The following KIAA0408 variants were observed in gnomAD, a reference collection of about 807,000 sequenced individuals.
KIAA0408 encodes the protein KIAA0408.
Under a neutral mutation model 60.9 loss-of-function variants are expected in KIAA0408, and 51 were observed. The ratio of observed to expected loss-of-function variants is 0.84; its 90% CI spans 0.67 to 1.06. The LOEUF is 1.06. KIAA0408 is among the 50% of genes least tolerant of loss of function. The pLI is 0.00. For missense variants in KIAA0408, 787 were observed against 833.9 expected (o/e 0.94, Z 0.69); for synonymous variants, 304 against 282.4 (o/e 1.08, Z -0.77).
At chr6:127,453,566 A>G (rs1321247137) in intron 2 of KIAA0408, among the ~76,000 whole-genome samples, 1 of 152,078 alleles carries the variant, frequency 6.6e-6, no homozygotes, top group African/African-American at 2.4e-5. Context: ...TGCAAAATAC[A>G]TACCTCACTT....
In KIAA0408 at chr6:127,459,273, C is replaced by T. The variant is rs1773447777; in HGVS notation, c.-219G>A. 1 of 152,254 alleles carries T rather than the reference C, an allele frequency of 6.6e-6. No homozygotes were observed. The highest frequency in any genetic ancestry group is 2.1e-4 in the South Asian group (1 of 4,834). 9.4% of individuals were successfully genotyped at this position (152,254 alleles called of 1,614,324 possible). On this transcript the variant is annotated 5_prime_UTR_variant, in exon 1 of 6. Transcript: ENST00000483725. The stretch of plus-strand genomic sequence containing the variant: ...GCTGTCTTAAAGAGAAAAGTCTCAG[C>T]TCGGTGAATCTCGATTCTTTACAAG...
At position 127,446,514 on chromosome 6, in the gene KIAA0408, CTT is replaced by C. The variant is rs1773197482; in HGVS notation, c.1803_1804del (p.Gln603AlafsTer52). The C allele has an allele frequency of 1.2e-6, 2 of 1,614,042 alleles. No homozygotes were observed. Among genetic ancestry groups the C allele is most frequent in the African/African-American group, 2.7e-5 (2 of 74,928 alleles). ...CATTTGGAGCATTTCTAAATGCTGA[CTT>C]AATGTGGCACCACCACTGACATCAG... On this transcript the variant is annotated frameshift_variant, in exon 5 of 6. Coordinates refer to ENST00000483725, the MANE Select transcript of KIAA0408 (RefSeq NM_014702.5). LOFTEE classifies it high-confidence loss of function.
chr6:127,447,426 C>T lies in KIAA0408; in HGVS notation c.893G>A (p.Trp298Ter). The change falls in exon 5 of 6, where the codon TGG becomes TAG. Residue 298 changes from tryptophan (W) to a stop codon, truncating the protein, a stop_gained. Transcript: ENST00000483725. LOFTEE classifies it high-confidence loss of function. ...TTTACTTCGACCCTCATGGGGCACC[C>T]AGCTGTTGTGGTCTAACCTTTCCTT... ...RWKERLDHNS[W>*]VPHEGRSKRN... The T allele has an allele frequency of 6.2e-7, 1 of 1,613,878 alleles. No individual in the cohort carries two copies. Among genetic ancestry groups the T allele is most frequent in the South Asian group, 1.1e-5 (1 of 91,024 alleles).
intron 1 of KIAA0408, among the ~76,000 whole-genome samples, chr6:127,457,255 T>C (rs1380487660): frequency 6.6e-6 from 1 of 152,166 alleles, no homozygotes; most frequent in Non-Finnish European, 1.5e-5. Flanking sequence ...GGCAACTTTG[T>C]AGAGATAGAA....
At chr6:127,453,786 C>A in intron 2 of KIAA0408, 61 bp downstream of exon 2, 1 of 1,555,606 alleles carries the variant, frequency 6.4e-7, no homozygotes, top group Non-Finnish European at 8.7e-7. Context: ...ACAAAACAGC[C>A]CACAGAATTT....
intron 1 of KIAA0408, among the ~76,000 whole-genome samples, chr6:127,457,489 G>T (rs190368794): frequency 6.6e-6 from 1 of 152,186 alleles, no homozygotes; most frequent in Admixed American, 6.5e-5. Flanking sequence ...CTTCCTTCTA[G>T]AATTCCATTT....
chr6:127,451,002 A>C (rs1225936189), intron 2 of KIAA0408: 1 of 167,968 alleles, frequency 6.0e-6, no homozygotes, highest in African/African-American at 2.4e-5. Context: ...TAGAACTGCA[A>C]GGCTTTGATC....
intron 4 of KIAA0408, among the ~76,000 whole-genome samples, chr6:127,449,567 G>A (rs558744180): frequency 1.3e-5 from 2 of 152,094 alleles, no homozygotes; most frequent in African/African-American, 4.8e-5. Context: ...TAGGAGAATC[G>A]CTTGAACCTG....
In KIAA0408 at chr6:127,446,939, C is replaced by T; in HGVS notation, c.1380G>A (p.Gln460=). 2 of 1,614,082 alleles carry T rather than the reference C, an allele frequency of 1.2e-6. No homozygotes were observed. Among genetic ancestry groups the T allele is most frequent in the Non-Finnish European group, 1.7e-6 (2 of 1,180,000 alleles). The part of the protein sequence containing the change: ...FRTDRNCQAI[Q]QNHSCSKSSE... Reference sequence around the variant, plus strand: ...ATGATTTTGAGCAGCTGTGATTTTGCTGTATTGCCTGACAATTTCTATCTG... The same window carrying T: ...ATGATTTTGAGCAGCTGTGATTTTGTTGTATTGCCTGACAATTTCTATCTG... Residue 460 remains glutamine, a synonymous_variant, in exon 5 of 6, where the codon CAG becomes CAA. Coordinates refer to ENST00000483725, the MANE Select transcript of KIAA0408 (RefSeq NM_014702.5).
Position 127,453,869 on chromosome 6 carries a change from A to G in KIAA0408, c.113T>C (p.Ile38Thr), listed in dbSNP as rs759051260. 1.9e-6 allele frequency: 3 copies of G among 1,612,498 alleles called. No individual in the cohort carries two copies. The highest frequency in any genetic ancestry group is 2.5e-6 in the Non-Finnish European group (3 of 1,179,072). The change falls in exon 2 of 6, where the codon ATT (isoleucine) becomes ACT (threonine). Residue 38 changes from isoleucine to threonine, a missense_variant. Ile to Thr is a moderately conservative substitution (Grantham distance 89). This residue lies in a region of KIAA0408 where 640 missense variants were observed against 681.3 expected (regional missense o/e 0.94). Coordinates refer to ENST00000483725, the MANE Select transcript of KIAA0408 (RefSeq NM_014702.5). The part of the protein sequence containing the change: ...ERKEWESQWK[I>T]MQKKIEELCR... ...TACCTCTTCTATTTTCTTCTGCATA[A>G]TCTTCCATTGACTTTCCCATTCCTT...
rs1424578187 is a variant in KIAA0408, at chr6:127,438,499, C to T, written c.*5610G>A. ...TCAAAAATAAACTGGCAGCAGAGCACAATTGCAGTCACATTGCTTAACAAC... is the reference window on the plus strand; with the variant it reads ...TCAAAAATAAACTGGCAGCAGAGCATAATTGCAGTCACATTGCTTAACAAC... On this transcript the variant is annotated 3_prime_UTR_variant, in exon 6 of 6. Transcript: ENST00000483725. 6.6e-6 allele frequency: 1 copy of T among 152,086 alleles called. No individual in the cohort carries two copies. The highest frequency in any genetic ancestry group is 2.4e-5 in the African/African-American group (1 of 41,412). 9.4% of individuals were successfully genotyped at this position (152,086 alleles called of 1,614,324 possible). A position where few individuals can be genotyped will look rare whatever the true frequency, so the allele number is the denominator to read the frequency against.
At position 127,439,285 on chromosome 6, in the gene KIAA0408, G is replaced by A. The variant is rs1393687028; in HGVS notation, c.*4824C>T. ...GGAGTATATGTAACTTATGAAGTGT[G>A]AAACTATTCTGATTCTTTTGAAGAT... On this transcript the variant is annotated 3_prime_UTR_variant, in exon 6 of 6. Transcript: ENST00000483725. 1 of 152,182 alleles carries A rather than the reference G, an allele frequency of 6.6e-6. No individual in the cohort carries two copies. The highest frequency in any genetic ancestry group is 6.5e-5 in the Admixed American group (1 of 15,278). 9.4% of individuals were successfully genotyped at this position (152,182 alleles called of 1,614,324 possible).
chr6:127,456,085 A>T (rs942303389), intron 1 of KIAA0408, among the ~76,000 whole-genome samples: 1 of 152,176 alleles, frequency 6.6e-6, no homozygotes, highest in Non-Finnish European at 1.5e-5. Context: ...TGTGTGGTGA[A>T]ACTACCTTGC....
At chr6:127,455,158 T>C (rs1773371050) in intron 1 of KIAA0408, among the ~76,000 whole-genome samples, 3 of 152,174 alleles carry the variant, frequency 2.0e-5, no homozygotes, top group South Asian at 2.1e-4. Context: ...TGTGCCTTTT[T>C]AGGGGGTAGA....
chr6:127,458,747 C>T (rs894107498), intron 1 of KIAA0408, among the ~76,000 whole-genome samples: 6 of 152,028 alleles, frequency 3.9e-5, no homozygotes, highest in East Asian at 1.9e-4. Flanking sequence ...TATTTTTCAC[C>T]GCAATTTTCA....
chr6:127,442,360 T>C lies in KIAA0408; in HGVS notation c.*1749A>G, dbSNP rs935451764. 1 of 152,290 alleles carries C rather than the reference T, an allele frequency of 6.6e-6. No individual in the cohort carries two copies. Among genetic ancestry groups the C allele is most frequent in the African/African-American group, 2.4e-5 (1 of 41,466 alleles). 9.4% of individuals were successfully genotyped at this position (152,290 alleles called of 1,614,324 possible). ...CATTTTATGACCCAGGGTTCCTCTT[T>C]CCTGGTGTTTTCTCCCCTCTAGCTG... On this transcript the variant is annotated 3_prime_UTR_variant, in exon 6 of 6. Transcript: ENST00000483725.
intron 1 of KIAA0408, among the ~76,000 whole-genome samples, chr6:127,457,272 G>A (rs760985283): frequency 7.9e-5 from 12 of 152,086 alleles, no homozygotes; most frequent in African/African-American, 2.2e-4. Flanking sequence ...AGAATGTTTC[G>A]TAATGAGAAG....
chr6:127,444,096 C>A lies in KIAA0408; in HGVS notation c.*13G>T. The A allele has an allele frequency of 2.5e-6, 4 of 1,613,220 alleles. No homozygotes were observed. The highest frequency in any genetic ancestry group is 3.4e-6 in the Non-Finnish European group (4 of 1,179,522). On this transcript the variant is annotated 3_prime_UTR_variant, in exon 6 of 6. Coordinates refer to ENST00000483725, the MANE Select transcript of KIAA0408 (RefSeq NM_014702.5). ...ACTAGAACTTCTGTAATATAGCAATCCAGGCCAAAGACTTAAACCATCAAT... is the reference window on the plus strand; with the variant it reads ...ACTAGAACTTCTGTAATATAGCAATACAGGCCAAAGACTTAAACCATCAAT...
In KIAA0408 at chr6:127,444,222, T is replaced by C; in HGVS notation, c.1972A>G (p.Asn658Asp). 1 of 1,613,332 alleles carries C rather than the reference T, an allele frequency of 6.2e-7. No individual in the cohort carries two copies. Among genetic ancestry groups the C allele is most frequent in the Non-Finnish European group, 8.5e-7 (1 of 1,179,762 alleles). Residue 658 changes from asparagine (N) to aspartate (D), a missense_variant, in exon 6 of 6, where the codon AAT becomes GAT. Transcript: ENST00000483725. The part of the protein sequence containing the change: ...KGFSRPARPA[N>D]RRLPSRWASR... The stretch of plus-strand genomic sequence containing the variant: ...GCCCATCTGGAGGGGAGACGACGAT[T>C]TGCTGGTCTAGCAGGTCGGGAAAAT...
Sources: allele counts gnomAD v4.1 joint callset (sites outside exome capture counted in the v4.1 genomes callset), GRCh38; gene constraint gnomAD v4.1.1; regional missense constraint gnomAD v4.1.1; transcripts MANE v1.5; gene names NCBI Gene and HGNC (gene_info 2026-07-23, HGNC 2026-07-21).